Variants in MESD observed in about 807,000 individuals in gnomAD.
The protein encoded by MESD is mesoderm development LRP chaperone.
A neutral mutation model predicts 12.9 loss-of-function variants in MESD; 7 were observed. That is an observed-to-expected ratio of 0.54 (90% CI 0.31 to 1.02). The LOEUF (loss-of-function observed/expected upper bound fraction) is 1.02, where lower values mean the gene tolerates loss of function less well. MESD is among the 50% of genes least tolerant of loss of function. The probability of loss-of-function intolerance (pLI) is 0.05; values close to 1 mark genes in which losing one functional copy is unlikely to be tolerated. For missense variants in MESD, 342 were observed against 296.7 expected (o/e 1.15, Z -1.12); for synonymous variants, 126 against 115.6 (o/e 1.09, Z -0.58).
chr15:80,975,666 G>T (rs909684040), downstream of MESD: 2 of 151,546 alleles, frequency 1.3e-5, no homozygotes, highest in African/African-American at 4.8e-5. Flanking sequence ...ACCACCAGAA[G>T]TACAAAAGCC....
chr15:80,984,243 G>A (rs932785573), intron 1 of MESD, among the ~76,000 whole-genome samples: 2 of 151,948 alleles, frequency 1.3e-5, no homozygotes, highest in Non-Finnish European at 2.9e-5. Flanking sequence ...ATAGAACCAG[G>A]TTCCTTGGAG....
At chr15:80,952,138 ACT>A (rs1360933231) in exon 4 of MESD, 2 of 454,580 alleles carry the variant, frequency 4.4e-6, no homozygotes, top group African/African-American at 2.0e-5. Context: ...CAGAAGCAGG[ACT>A]CTCTTTTCCT....
chr15:80,972,084 C>A (rs1902300732), downstream of MESD, among the ~76,000 whole-genome samples: 1 of 152,072 alleles, frequency 6.6e-6, no homozygotes, highest in Non-Finnish European at 1.5e-5. Flanking sequence ...CAGATACAGG[C>A]CCGGTGCTGG....
chr15:80,987,917 A>C (rs1380480611), intron 1 of MESD, among the ~76,000 whole-genome samples: 1 of 152,222 alleles, frequency 6.6e-6, no homozygotes, highest in East Asian at 1.9e-4. Flanking sequence ...AAAGGCCAAG[A>C]GTTCAAAACC....
At chr15:80,987,360 T>C (rs988038485) in intron 1 of MESD, among the ~76,000 whole-genome samples, 1 of 152,192 alleles carries the variant, frequency 6.6e-6, no homozygotes, top group East Asian at 1.9e-4. Flanking sequence ...CTCATGTCTG[T>C]AGAGCGTCTA....
chr15:80,968,267 C>T (rs1258589866), intron 3 of MESD, among the ~76,000 whole-genome samples: 1 of 152,210 alleles, frequency 6.6e-6, no homozygotes, highest in East Asian at 1.9e-4. Flanking sequence ...GCATACCCTA[C>T]ACTGGGCAAG....
intron 3 of MESD, among the ~76,000 whole-genome samples, chr15:80,955,977 A>T (rs531815981): frequency 1.3e-5 from 2 of 152,042 alleles, no homozygotes; most frequent in Non-Finnish European, 2.9e-5. Context: ...TCACACTGTC[A>T]TGAGTCATGC....
intron 3 of MESD, among the ~76,000 whole-genome samples, chr15:80,966,953 G>A (rs1185208147): frequency 6.6e-6 from 1 of 152,116 alleles, no homozygotes; most frequent in Non-Finnish European, 1.5e-5. Flanking sequence ...TTCCAACTGA[G>A]GCCCATCGAG....
rs536549301 is a variant in MESD, at chr15:80,984,026, G to A, written c.214-1844C>T. ...GGCGATTCTCCTGCCTCAGCCTCCC[G>A]AGTAGCTGGGATTATAGGCACGCAC... On this transcript the variant is annotated intron_variant, in intron 1 of 2. Transcript: ENST00000261758. Among the ~76,000 whole-genome samples, 301 of 148,602 alleles carry A rather than the reference G, an allele frequency of 2.0e-3. 3 individuals carry two copies. The highest frequency in any genetic ancestry group is 7.0e-3 in the African/African-American group (280 of 40,230).
intron 1 of MESD, among the ~76,000 whole-genome samples, chr15:80,983,486 A>C (rs1023299870): frequency 6.6e-6 from 1 of 152,238 alleles, no homozygotes; most frequent in African/African-American, 2.4e-5. Flanking sequence ...ACTTCTGGGA[A>C]GTAAGTTACA....
At chr15:80,948,602 C>T (rs1370867061) in exon 5 of MESD, 1 of 719,322 alleles carries the variant, frequency 1.4e-6, no homozygotes, top group African/African-American at 1.7e-5. Flanking sequence ...AGGTGAGACC[C>T]TGCCTGCCCC....
At chr15:80,974,546 C>A (rs1395824130), downstream of MESD, among the ~76,000 whole-genome samples, 2 of 150,256 alleles carry the variant, frequency 1.3e-5, no homozygotes, top group African/African-American at 4.9e-5. Context: ...ATAAAAACAG[C>A]TCAAACATGA....
At chr15:80,949,005 C>T (rs1901695777) in intron 4 of MESD, 3 of 1,562,044 alleles carry the variant, frequency 1.9e-6, no homozygotes, top group Admixed American at 1.7e-5. Flanking sequence ...ATGGCTGGGT[C>T]CCCCAGCCCC....
At chr15:80,965,230 G>A (rs897526374) in intron 3 of MESD, among the ~76,000 whole-genome samples, 3 of 152,220 alleles carry the variant, frequency 2.0e-5, no homozygotes, top group African/African-American at 7.2e-5. Context: ...GGTCATCAGA[G>A]AAATGCAAAT....
rs141116939 is a variant in MESD at position 80,979,351 on chromosome 15, G to A, written c.573C>T (p.Pro191=). ...TCTCTTTGCTTCCTCCTCCTTTGCC[G>A]GGGTACACCTGGCCCTCCAGAGTTA... ...ADVTLEGQVY[P]GKGGGSKEKN... Residue 191 remains proline (P), a synonymous_variant, in exon 3 of 3, where the codon CCC becomes CCT. Transcript: ENST00000261758. 1.8e-4 allele frequency: 293 copies of A among 1,613,906 alleles called. No homozygotes were observed. In the African/African-American group the frequency reaches 3.4e-3, roughly 19 times the overall value.
chr15:80,948,556 C>T, exon 5 of MESD: 1 of 569,982 alleles, frequency 1.8e-6, no homozygotes, highest in South Asian at 1.9e-5. Context: ...CTGTCTACAA[C>T]AAAGCCATCA....
exon 4 of MESD, chr15:80,952,186 G>A (rs1309799068): frequency 2.2e-6 from 1 of 456,270 alleles, no homozygotes; most frequent in Admixed American, 2.3e-5. Flanking sequence ...AAACACGTTT[G>A]ACAAGAGCAT....
downstream of MESD, chr15:80,946,564 T>C (rs909631178): frequency 2.5e-5 from 5 of 200,062 alleles, no homozygotes; most frequent in Admixed American, 2.6e-4. Flanking sequence ...ATCACCACAT[T>C]TCTATCTGGT....
intron 3 of MESD, among the ~76,000 whole-genome samples, chr15:80,962,737 C>T (rs1352983188): frequency 6.6e-6 from 1 of 152,162 alleles, no homozygotes; most frequent in East Asian, 1.9e-4. Context: ...TGAATGACTA[C>T]TGGGTAAATA....
Sources: allele counts gnomAD v4.1 joint callset (sites outside exome capture counted in the v4.1 genomes callset), GRCh38; gene constraint gnomAD v4.1.1; transcripts MANE v1.5; gene names NCBI Gene and HGNC (gene_info 2026-07-23, HGNC 2026-07-21).